Variants in CNTNAP2 observed in about 807,000 individuals in gnomAD.
CNTNAP2 encodes contactin associated protein 2.
CNTNAP2 carries 98 observed loss-of-function variants against 155.2 expected under a neutral mutation model. The observed-to-expected ratio is 0.63, with a 90% CI of 0.54 to 0.75. The LOEUF (loss-of-function observed/expected upper bound fraction) is 0.75. CNTNAP2 is among the 30% of genes least tolerant of loss of function. The pLI is 0.00. For missense variants in CNTNAP2, 1,727 were observed against 1,688.1 expected, an observed-to-expected ratio of 1.02 and a Z score of -0.40; for synonymous variants, 651 against 631.2, an observed-to-expected ratio of 1.03 and a Z score of -0.47.
At chr7:148,375,338 T>A (rs183150066) in intron 21 of CNTNAP2, among the ~76,000 whole-genome samples, 149 of 147,538 alleles carry the variant, frequency 1.0e-3, no homozygotes, top group African/African-American at 2.4e-3. Context: ...ATATATATTT[T>A]TATATATATA....
At chr7:147,456,415 G>A (rs551130126) in intron 10 of CNTNAP2, among the ~76,000 whole-genome samples, 1 of 152,270 alleles carries the variant, frequency 6.6e-6, no homozygotes, top group South Asian at 2.1e-4. Flanking sequence ...TTAACATACA[G>A]AAATCACTAG....
At chr7:147,469,216 C>T (rs556671202) in intron 10 of CNTNAP2, among the ~76,000 whole-genome samples, 9 of 152,152 alleles carry the variant, frequency 5.9e-5, no homozygotes, top group African/African-American at 2.2e-4. Context: ...GCACAAAACC[C>T]TCAAGCCAGC....
intron 15 of CNTNAP2, among the ~76,000 whole-genome samples, chr7:148,032,811 T>C (rs550960924): frequency 2.0e-5 from 3 of 152,128 alleles, no homozygotes. Flanking sequence ...ATGAGCACTT[T>C]GGATTGTTCT....
intron 10 of CNTNAP2, among the ~76,000 whole-genome samples, chr7:147,459,150 A>G (rs1797973000): frequency 6.6e-6 from 1 of 152,208 alleles, no homozygotes; most frequent in Non-Finnish European, 1.5e-5. Context: ...GGCTAATGCA[A>G]CTAACTAAGG....
chr7:146,480,827 C>A (rs1334655366), intron 1 of CNTNAP2, among the ~76,000 whole-genome samples: 1 of 151,238 alleles, frequency 6.6e-6, no homozygotes, highest in Non-Finnish European at 1.5e-5. Context: ...GGACTACAGG[C>A]GCCCATCACC....
intron 1 of CNTNAP2, among the ~76,000 whole-genome samples, chr7:146,650,202 C>A (rs904607695): frequency 5.9e-5 from 9 of 152,050 alleles, no homozygotes; most frequent in African/African-American, 1.7e-4. Flanking sequence ...TGGGTATATA[C>A]CCAAAGGATT....
chr7:147,286,003 A>T (rs896110277), intron 8 of CNTNAP2, among the ~76,000 whole-genome samples: 2 of 152,078 alleles, frequency 1.3e-5, no homozygotes, highest in African/African-American at 4.8e-5. Flanking sequence ...AGAAATTATA[A>T]ATATGTACAT....
chr7:147,387,741 C>T (rs772427214), intron 9 of CNTNAP2, among the ~76,000 whole-genome samples: 5 of 151,958 alleles, frequency 3.3e-5, no homozygotes, highest in African/African-American at 7.3e-5. Context: ...TTAAAATATA[C>T]GATTATTATT....
intron 15 of CNTNAP2, among the ~76,000 whole-genome samples, chr7:148,071,411 G>A (rs951695283): frequency 6.6e-6 from 1 of 152,092 alleles, no homozygotes; most frequent in Non-Finnish European, 1.5e-5. Flanking sequence ...ACCAGGAGGT[G>A]GAGGTTGCAG....
chr7:147,727,484 T>G (rs547399866), intron 13 of CNTNAP2, among the ~76,000 whole-genome samples: 1 of 152,206 alleles, frequency 6.6e-6, no homozygotes, highest in South Asian at 2.1e-4. Context: ...TCACATTTAA[T>G]TATCTTACTG....
intron 1 of CNTNAP2, among the ~76,000 whole-genome samples, chr7:146,184,516 A>T (rs1798595843): frequency 6.6e-6 from 1 of 152,186 alleles, no homozygotes; most frequent in African/African-American, 2.4e-5. Flanking sequence ...TAAGAGAAGA[A>T]ACATTAGTTA....
chr7:146,812,770 C>A (rs1803091776), intron 2 of CNTNAP2, among the ~76,000 whole-genome samples: 1 of 152,170 alleles, frequency 6.6e-6, no homozygotes, highest in African/African-American at 2.4e-5. Flanking sequence ...ACCTTCATGG[C>A]AGTGCCTCCC....
intron 4 of CNTNAP2, among the ~76,000 whole-genome samples, chr7:147,080,216 G>C (rs1272966848): frequency 6.6e-6 from 1 of 152,064 alleles, no homozygotes; most frequent in Non-Finnish European, 1.5e-5. Flanking sequence ...CACCATGCCT[G>C]GAGGCAATTA....
At chr7:147,327,490 A>G (rs1165090262) in intron 9 of CNTNAP2, among the ~76,000 whole-genome samples, 1 of 152,236 alleles carries the variant, frequency 6.6e-6, no homozygotes, top group African/African-American at 2.4e-5. Flanking sequence ...TGCTTTTGAT[A>G]TTCCACAAAC....
intron 3 of CNTNAP2, among the ~76,000 whole-genome samples, chr7:146,979,422 G>A (rs1412102715): frequency 2.0e-5 from 3 of 151,986 alleles, no homozygotes; most frequent in Non-Finnish European, 4.4e-5. Flanking sequence ...ATCTCAAATT[G>A]TCTCCACAGA....
chr7:148,373,351 G>A (rs2116644043), intron 21 of CNTNAP2, among the ~76,000 whole-genome samples: 1 of 152,254 alleles, frequency 6.6e-6, no homozygotes, highest in East Asian at 1.9e-4. Context: ...AGCTACTTGG[G>A]AGGCTGAGGC....
intron 1 of CNTNAP2, among the ~76,000 whole-genome samples, chr7:146,300,979 A>G (rs1191613197): frequency 6.6e-6 from 1 of 152,192 alleles, no homozygotes; most frequent in Non-Finnish European, 1.5e-5. Flanking sequence ...ACTGTTCAAC[A>G]TAACAGATGA....
intron 1 of CNTNAP2, among the ~76,000 whole-genome samples, chr7:146,542,077 C>T (rs534375594): frequency 1.3e-4 from 20 of 151,936 alleles, no homozygotes; most frequent in African/African-American, 3.9e-4. Flanking sequence ...CACAAAGTGT[C>T]GGCAAGCCAG....
At chr7:146,607,685 C>G (rs1423550607) in intron 1 of CNTNAP2, among the ~76,000 whole-genome samples, 1 of 151,738 alleles carries the variant, frequency 6.6e-6, no homozygotes, top group African/African-American at 2.4e-5. Flanking sequence ...ACTATGTTAC[C>G]TAGGCTGGTC....
Sources: allele counts gnomAD v4.1 joint callset (sites outside exome capture counted in the v4.1 genomes callset), GRCh38; gene constraint gnomAD v4.1.1; transcripts MANE v1.5; gene names NCBI Gene and HGNC (gene_info 2026-07-23, HGNC 2026-07-21).